Variants in CLSTN1 observed in about 807,000 individuals in gnomAD.
CLSTN1 encodes the protein calsyntenin-1.
A neutral mutation model predicts 108.3 loss-of-function variants in CLSTN1; 28 were observed. The observed-to-expected ratio is 0.26, with a 90% CI of 0.19 to 0.35. The LOEUF (loss-of-function observed/expected upper bound fraction) is 0.35, where lower values mean the gene tolerates loss of function less well. Ranked by LOEUF, CLSTN1 falls within the 10% of genes least tolerant of loss-of-function variation. The probability of loss-of-function intolerance (pLI) is 1.00; values close to 1 mark genes in which losing one functional copy is unlikely to be tolerated. For synonymous variants in CLSTN1, 524 were observed against 534.9 expected (o/e 0.98, Z 0.28); for missense variants, 1,157 against 1,302.6 (o/e 0.89, Z 1.72).
At chr1:9,731,562 C>T (rs936352981) in intron 17 of CLSTN1, among the ~76,000 whole-genome samples, 172 bp from the exon 18 acceptor site, 4 of 152,242 alleles carry the variant, frequency 2.6e-5, no homozygotes, top group Non-Finnish European at 5.9e-5. Flanking sequence ...CAACCTGGCT[C>T]GGCCACGTCC....
chr1:9,788,754 G>A (rs1653616739), intron 1 of CLSTN1, among the ~76,000 whole-genome samples: 1 of 149,742 alleles, frequency 6.7e-6, no homozygotes, highest in Non-Finnish European at 1.5e-5. Flanking sequence ...TGCAGTCCCA[G>A]CTCCTCAGGA....
Position 9,774,292 on chromosome 1 carries a change from G to A in CLSTN1, c.92-898C>T, listed in dbSNP as rs138943078. On this transcript the variant is annotated intron_variant, in intron 1 of 18. Transcript: ENST00000377298. ...GTGTTTAAGAATAATCCATCCGGGC[G>A]TGGTGGCTCACGCCTATAATCCCAG... 4.4e-3 allele frequency among the ~76,000 whole-genome samples: 670 copies of A among 152,218 alleles called. 12 individuals are homozygous for A. The highest frequency in any genetic ancestry group is 0.043 in the East Asian group (223 of 5,172).
At chr1:9,816,738 CT>C (rs1409936065) in intron 1 of CLSTN1, among the ~76,000 whole-genome samples, 9 of 152,112 alleles carry the variant, frequency 5.9e-5, no homozygotes, top group Non-Finnish European at 1.0e-4. Context: ...CCTCCGCCCC[CT>C]GGGTTCAAGC....
chr1:9,745,228 C>CAAAAAA (rs58703418), intron 7 of CLSTN1, among the ~76,000 whole-genome samples: 1 of 109,418 alleles, frequency 9.1e-6, no homozygotes, highest in African/African-American at 3.2e-5. Flanking sequence ...GACTCCGTCT[C>CAAAAAA]AAAAAAAAAA....
At chr1:9,751,753 G>T in intron 4 of CLSTN1, 72 bp from the exon 5 acceptor site, 1 of 1,363,246 alleles carries the variant, frequency 7.3e-7, no homozygotes, top group Non-Finnish European at 1.0e-6. Context: ...GAGTGTGTAT[G>T]TGTGTTTACC....
intron 1 of CLSTN1, among the ~76,000 whole-genome samples, chr1:9,817,372 G>C (rs771648287): frequency 6.6e-6 from 1 of 152,070 alleles, no homozygotes; most frequent in Non-Finnish European, 1.5e-5. Context: ...TTGTTGCCCA[G>C]GCTGGAGTGC....
chr1:9,730,060 T>G lies in CLSTN1; in HGVS notation c.*448A>C, dbSNP rs1286683235. 1 of 193,210 alleles carries G rather than the reference T, an allele frequency of 5.2e-6. No individual in the cohort carries two copies. Among genetic ancestry groups the G allele is most frequent in the East Asian group, 1.2e-4 (1 of 8,608 alleles). The allele number at this position is 193,210 out of a possible 1,614,324, so 12.0% of individuals were successfully genotyped here. A position where few individuals can be genotyped will look rare whatever the true frequency, so the allele number is the denominator to read the frequency against. On this transcript the variant is annotated 3_prime_UTR_variant, in exon 19 of 19. Coordinates refer to ENST00000377298, the MANE Select transcript of CLSTN1 (RefSeq NM_001009566.3). This position sits in a 1 kb window ranked among gnomAD's most constrained non-coding sequence, Gnocchi z 5.6. ...TACACAGTACCCCCCATCCTGCCAT[T>G]ATTTATACATGCACTAGTTTGGAAA...
At chr1:9,754,630 C>T (rs1357789275) in intron 4 of CLSTN1, among the ~76,000 whole-genome samples, 3 of 151,928 alleles carry the variant, frequency 2.0e-5, no homozygotes, top group East Asian at 1.9e-4. Flanking sequence ...CCCAGGCAGG[C>T]GGATCACCTG....
chr1:9,786,834 G>A (rs952513390), intron 1 of CLSTN1, among the ~76,000 whole-genome samples: 1 of 151,192 alleles, frequency 6.6e-6, no homozygotes, highest in African/African-American at 2.4e-5. Flanking sequence ...TCCTCGTGTT[G>A]GGGAGCGCAA....
intron 4 of CLSTN1, among the ~76,000 whole-genome samples, chr1:9,753,397 C>A (rs1209730420): frequency 6.6e-6 from 1 of 152,148 alleles, no homozygotes; most frequent in Non-Finnish European, 1.5e-5. Flanking sequence ...GTCCAAAGCC[C>A]TCTCTGCTAC....
At chr1:9,787,788 A>G (rs1201804530) in intron 1 of CLSTN1, among the ~76,000 whole-genome samples, 1 of 151,392 alleles carries the variant, frequency 6.6e-6, no homozygotes, top group African/African-American at 2.4e-5. Context: ...GTACAGGCCA[A>G]TAGCATTAAG....
chr1:9,751,129 T>G (rs1191179928), intron 5 of CLSTN1, among the ~76,000 whole-genome samples: 1 of 151,184 alleles, frequency 6.6e-6, no homozygotes, highest in East Asian at 1.9e-4. Flanking sequence ...ACAAACTAAA[T>G]GTAAAGGTCA....
chr1:9,735,591 C>A lies in CLSTN1; in HGVS notation c.1759G>T (p.Val587Leu), dbSNP rs765808624. 18 of 1,614,136 alleles carry A rather than the reference C, an allele frequency of 1.1e-5. 1 individual carries two copies. Among genetic ancestry groups the A allele is most frequent in the Non-Finnish European group, 8.5e-6 (10 of 1,180,032 alleles). Residue 587 changes from valine to leucine, a missense_variant, in exon 13 of 19, where the codon GTA becomes TTA. Val to Leu is a conservative substitution (Grantham distance 32). Coordinates refer to ENST00000377298, the MANE Select transcript of CLSTN1 (RefSeq NM_001009566.3). ...AGGTCTTCTCCCTCCAAGGTCAATA[C>A]CAACTGGCTGGGGTGTGCTTGGATC... is the stretch of plus-strand genomic sequence containing the variant. ...VQIQAHPSQLVLTLEGEDLGE... is the reference protein window; with the variant it reads ...VQIQAHPSQLLLTLEGEDLGE...
In CLSTN1 at chr1:9,729,330, G is replaced by A. The variant is rs1650193049; in HGVS notation, c.*1178C>T. 1 of 152,602 alleles carries A rather than the reference G, an allele frequency of 6.6e-6. No homozygotes were observed. The highest frequency in any genetic ancestry group is 1.5e-5 in the Non-Finnish European group (1 of 68,056). 9.5% of individuals were successfully genotyped at this position (152,602 alleles called of 1,614,324 possible). ...AGAGCAAAGTGCTATGTGGGTTTTA[G>A]ACCATGACTGTTTGTTTGCTCTCCT... On this transcript the variant is annotated 3_prime_UTR_variant, in exon 19 of 19. Coordinates refer to ENST00000377298, the MANE Select transcript of CLSTN1 (RefSeq NM_001009566.3).
intron 1 of CLSTN1, among the ~76,000 whole-genome samples, chr1:9,787,522 G>A (rs1653553768): frequency 6.7e-6 from 1 of 149,442 alleles, no homozygotes; most frequent in South Asian, 2.3e-4. Flanking sequence ...TCCTGCCTCA[G>A]CCTCCCGGGT....
At chr1:9,790,024 T>C (rs1653688127) in intron 1 of CLSTN1, among the ~76,000 whole-genome samples, 1 of 151,486 alleles carries the variant, frequency 6.6e-6, no homozygotes, top group African/African-American at 2.4e-5. Context: ...ATGGCAGTAT[T>C]ACCTAAAATT....
At chr1:9,786,683 G>C (rs1653510240) in intron 1 of CLSTN1, among the ~76,000 whole-genome samples, 2 of 147,400 alleles carry the variant, frequency 1.4e-5, no homozygotes, top group African/African-American at 2.5e-5. Context: ...ACAAAGGTGA[G>C]AGCTGTTTGC....
At chr1:9,756,571 C>T in intron 2 of CLSTN1, 61 bp from the exon 3 acceptor site, 1 of 1,452,286 alleles carries the variant, frequency 6.9e-7, no homozygotes, top group Non-Finnish European at 9.6e-7. Flanking sequence ...ATGGAATACA[C>T]TAAGGAAAAA....
chr1:9,788,819 G>T (rs915675743), intron 1 of CLSTN1, among the ~76,000 whole-genome samples: 28 of 128,722 alleles, frequency 2.2e-4, no homozygotes, highest in Non-Finnish European at 3.1e-4. Flanking sequence ...AGTGAGCCAA[G>T]ATCACGCCAC....
Sources: allele counts gnomAD v4.1 joint callset (sites outside exome capture counted in the v4.1 genomes callset), GRCh38; gene constraint gnomAD v4.1.1; non-coding constraint Gnocchi (gnomAD v3.1); transcripts MANE v1.5; gene names NCBI Gene and HGNC (gene_info 2026-07-23, HGNC 2026-07-21).